CDC42SE2: variants seen among roughly 807,000 people sequenced by gnomAD.
CDC42SE2 encodes the protein CDC42 small effector protein 2.
Under a neutral mutation model 11.5 loss-of-function variants are expected in CDC42SE2, and 3 were observed. The observed-to-expected ratio is 0.26, with a 90% CI of 0.12 to 0.67. The LOEUF is 0.67. CDC42SE2 is among the 30% of genes least tolerant of loss of function. The probability of loss-of-function intolerance (pLI) is 0.80; values close to 1 mark genes in which losing one functional copy is unlikely to be tolerated. For missense variants in CDC42SE2, 82 were observed against 106.8 expected (o/e 0.77, Z 1.02); for synonymous variants, 33 against 34.8 (o/e 0.95, Z 0.18).
At chr5:131,378,190 A>G (rs1034194949) in intron 3 of CDC42SE2, among the ~76,000 whole-genome samples, 1 of 152,316 alleles carries the variant, frequency 6.6e-6, no homozygotes, top group Non-Finnish European at 1.5e-5. Flanking sequence ...GTAGGGAGAG[A>G]CTTGGGGCAA....
intron 1 of CDC42SE2, among the ~76,000 whole-genome samples, chr5:131,312,554 C>G (rs1353407994): frequency 6.6e-6 from 1 of 152,170 alleles, no homozygotes; most frequent in Non-Finnish European, 1.5e-5. Context: ...TGCTGCCTTG[C>G]AGTTTGATCT....
chr5:131,322,497 C>T (rs1758213235), intron 2 of CDC42SE2, among the ~76,000 whole-genome samples: 2 of 152,060 alleles, frequency 1.3e-5, no homozygotes, highest in African/African-American at 4.8e-5. Flanking sequence ...GACAGGATTT[C>T]CTTCCTTTTT....
At chr5:131,266,259 C>T (rs2149689341) in intron 1 of CDC42SE2, among the ~76,000 whole-genome samples, 1 of 152,096 alleles carries the variant, frequency 6.6e-6, no homozygotes, top group Middle Eastern at 3.4e-3. Flanking sequence ...TTTCAGGAAT[C>T]CAGACTAATG....
chr5:131,265,757 T>C (rs763956689), intron 1 of CDC42SE2, among the ~76,000 whole-genome samples: 2 of 152,230 alleles, frequency 1.3e-5, no homozygotes, highest in Non-Finnish European at 2.9e-5. Context: ...ATTGTCAGTT[T>C]AATAGAATCT....
At chr5:131,356,965 C>T (rs1749566542) in intron 2 of CDC42SE2, among the ~76,000 whole-genome samples, 1 of 152,020 alleles carries the variant, frequency 6.6e-6, no homozygotes, top group African/African-American at 2.4e-5. Context: ...ATTTTTGATC[C>T]AGGGTGAAAT....
At chr5:131,248,041 T>C (rs1443833158) in intron 1 of CDC42SE2, among the ~76,000 whole-genome samples, 2 of 152,112 alleles carry the variant, frequency 1.3e-5, no homozygotes, top group African/African-American at 4.8e-5. Flanking sequence ...TAGAAATAGA[T>C]GGAAACTTCC....
chr5:131,375,392 A>G lies in CDC42SE2; in HGVS notation c.55-10151A>G, dbSNP rs139633802. Reference sequence around the variant, plus strand: ...AAGATTGAATTGTAAATGCATTACCAGCAACTCACCTATTTATTTATGAAT... The same window carrying G: ...AAGATTGAATTGTAAATGCATTACCGGCAACTCACCTATTTATTTATGAAT... On this transcript the variant is annotated intron_variant, in intron 3 of 4. Coordinates refer to ENST00000505065, the MANE Select transcript of CDC42SE2 (RefSeq NM_001375635.1). 6.2e-3 allele frequency among the ~76,000 whole-genome samples: 937 copies of G among 152,350 alleles called. 5 individuals carry two copies. Among genetic ancestry groups the G allele is most frequent in the Middle Eastern group, 0.027 (8 of 294 alleles).
the CDC42SE2 span, among the ~76,000 whole-genome samples, chr5:131,213,053 G>A: frequency 1.6e-4 from 25 of 152,136 alleles, no homozygotes; most frequent in Admixed American, 1.4e-3. Flanking sequence ...AGCCAGGCAT[G>A]GTGGTACATG....
chr5:131,211,061 TC>T, the CDC42SE2 span, among the ~76,000 whole-genome samples: 1 of 152,204 alleles, frequency 6.6e-6, no homozygotes. Flanking sequence ...CATCTTGAAT[TC>T]CTGATCTCAA....
chr5:131,308,748 T>C (rs1757832366), intron 1 of CDC42SE2, among the ~76,000 whole-genome samples: 1 of 149,828 alleles, frequency 6.7e-6, no homozygotes. Flanking sequence ...TCTCTGTTTG[T>C]CTGTTGTTGG....
chr5:131,248,702 T>TA (rs1292739603), intron 1 of CDC42SE2, among the ~76,000 whole-genome samples: 2 of 152,184 alleles, frequency 1.3e-5, no homozygotes, highest in African/African-American at 4.8e-5. Flanking sequence ...ATAAACTGTT[T>TA]ACAGTAATAT....
At chr5:131,268,970 C>T (rs184720283) in intron 1 of CDC42SE2, among the ~76,000 whole-genome samples, 23 of 152,032 alleles carry the variant, frequency 1.5e-4, no homozygotes, top group African/African-American at 4.3e-4. Flanking sequence ...AGGATGGTCT[C>T]GATCGCTTGA....
intron 2 of CDC42SE2, among the ~76,000 whole-genome samples, chr5:131,329,544 A>G (rs192614922): frequency 3.6e-4 from 55 of 152,290 alleles, no homozygotes; most frequent in Middle Eastern, 6.8e-3. Flanking sequence ...GAGTATAGGC[A>G]TACAAAATAT....
chr5:131,222,248 A>G, the CDC42SE2 span, among the ~76,000 whole-genome samples: 3 of 152,252 alleles, frequency 2.0e-5, no homozygotes, highest in Non-Finnish European at 2.9e-5. Context: ...TTTCACAAGC[A>G]CACAGGAAGT....
At chr5:131,337,812 T>C (rs1294572524) in intron 2 of CDC42SE2, among the ~76,000 whole-genome samples, 3 of 152,352 alleles carry the variant, frequency 2.0e-5, no homozygotes, top group African/African-American at 7.2e-5. Context: ...GTGAAGCCCG[T>C]TGGAAAAGCA....
At chr5:131,249,014 C>CTTTTTTTTTTTTTTTTTTT (rs35929101) in intron 1 of CDC42SE2, among the ~76,000 whole-genome samples, 2 of 116,092 alleles carry the variant, frequency 1.7e-5, no homozygotes, top group Non-Finnish European at 3.4e-5. Flanking sequence ...CAGGTTACAT[C>CTTTTTTTTTTTTTTTTTTT]TTTTTTTTTT....
chr5:131,252,695 T>C (rs1487354120), intron 1 of CDC42SE2, among the ~76,000 whole-genome samples: 1 of 152,146 alleles, frequency 6.6e-6, no homozygotes, highest in Non-Finnish European at 1.5e-5. Context: ...CATGATCTAG[T>C]GCCTCTTTTT....
chr5:131,302,035 C>G (rs1444203957), intron 1 of CDC42SE2, among the ~76,000 whole-genome samples: 1 of 152,090 alleles, frequency 6.6e-6, no homozygotes, highest in African/African-American at 2.4e-5. Flanking sequence ...GAGACAGGGT[C>G]TTACTCTCTT....
chr5:131,230,626 C>T, the CDC42SE2 span, among the ~76,000 whole-genome samples: 1 of 152,182 alleles, frequency 6.6e-6, no homozygotes, highest in Non-Finnish European at 1.5e-5. Flanking sequence ...AACCAAACCA[C>T]AGCAAGGGAA....
Sources: allele counts gnomAD v4.1 joint callset (sites outside exome capture counted in the v4.1 genomes callset), GRCh38; gene constraint gnomAD v4.1.1; transcripts MANE v1.5; gene names NCBI Gene and HGNC (gene_info 2026-07-23, HGNC 2026-07-21).